Variants in GRID2 observed in about 807,000 individuals in gnomAD.
The protein encoded by GRID2 is glutamate receptor ionotropic, delta-2.
A neutral mutation model predicts 114.8 loss-of-function variants in GRID2; 33 were observed. That is an observed-to-expected ratio of 0.29 (90% CI 0.22 to 0.38). GRID2 has a LOEUF of 0.38. Ranked by LOEUF, GRID2 falls within the 10% of genes least tolerant of loss-of-function variation. The probability of loss-of-function intolerance (pLI) is 1.00; values close to 1 mark genes in which losing one functional copy is unlikely to be tolerated. For missense variants in GRID2, 1,184 were observed against 1,257.7 expected, an observed-to-expected ratio of 0.94 and a Z score of 0.89; for synonymous variants, 505 against 449.9, an observed-to-expected ratio of 1.12 and a Z score of -1.55.
chr4:93,688,532 A>G (rs1319766360), intron 14 of GRID2, among the ~76,000 whole-genome samples: 2 of 152,062 alleles, frequency 1.3e-5, no homozygotes, highest in Non-Finnish European at 2.9e-5. Flanking sequence ...CATAAGAGTA[A>G]TAATTCGCAA....
Position 92,665,349 on chromosome 4 carries a change from C to G in GRID2, c.244+75063C>G, listed in dbSNP as rs74798180. Among the ~76,000 whole-genome samples, 23 of 149,900 alleles carry G rather than the reference C, an allele frequency of 1.5e-4. No individual in the cohort carries two copies. The East Asian group carries it at 4.5e-3, about 29-fold the overall frequency. ...GTTTCCACCCTGTTCAGTAGTTCAGCTGTTGATGTAACAAAAACACATTTT... is the reference window on the plus strand; with the variant it reads ...GTTTCCACCCTGTTCAGTAGTTCAGGTGTTGATGTAACAAAAACACATTTT... On this transcript the variant is annotated intron_variant, in intron 2 of 15. Transcript: ENST00000282020.
chr4:93,126,241 A>G (rs1270284245), intron 4 of GRID2, among the ~76,000 whole-genome samples: 3 of 152,090 alleles, frequency 2.0e-5, no homozygotes, highest in Non-Finnish European at 2.9e-5. Flanking sequence ...TCCAGTGATA[A>G]TTTTTAATTT....
intron 8 of GRID2, among the ~76,000 whole-genome samples, chr4:93,346,449 T>C (rs957978197): frequency 2.0e-5 from 3 of 152,200 alleles, no homozygotes; most frequent in African/African-American, 7.2e-5. Flanking sequence ...ACAATTCATC[T>C]TCTTTTCCCC....
At chr4:93,386,974 G>A (rs577212327) in intron 8 of GRID2, among the ~76,000 whole-genome samples, 16 of 152,120 alleles carry the variant, frequency 1.1e-4, no homozygotes, top group Admixed American at 4.6e-4. Flanking sequence ...TGCAACTCCC[G>A]TCAGACACTG....
Position 93,332,293 on chromosome 4 carries a change from T to TGAGA in GRID2, c.1246-63313_1246-63312insAGAG, listed in dbSNP as rs1182268164. ...GTGTGTGTGTGTGTGTGTGTGTGTG[T>TGAGA]GTGTGTGAGAGAGAGAGAGAGAGAG... is the stretch of plus-strand genomic sequence containing the variant. On this transcript the variant is annotated intron_variant, in intron 8 of 15. Transcript: ENST00000282020. Among the ~76,000 whole-genome samples the TGAGA allele has an allele frequency of 6.3e-3, 728 of 114,674 alleles. 8 individuals are homozygous for TGAGA. Among genetic ancestry groups the TGAGA allele is most frequent in the African/African-American group, 0.032 (685 of 21,482 alleles). The allele number at this position is 114,674 out of a possible 152,430, so 75.2% of individuals were successfully genotyped here. A position where few individuals can be genotyped will look rare whatever the true frequency, so the allele number is the denominator to read the frequency against.
At chr4:92,388,030 T>A (rs1287037417) in intron 1 of GRID2, among the ~76,000 whole-genome samples, 1 of 152,046 alleles carries the variant, frequency 6.6e-6, no homozygotes, top group Non-Finnish European at 1.5e-5. Context: ...TTTTGTTTGA[T>A]TTCTAAAATT....
Position 93,203,653 on chromosome 4 carries a change from C to T in GRID2, c.736-3751C>T, listed in dbSNP as rs553384305. The stretch of plus-strand genomic sequence containing the variant: ...TGCATAGCTGAAGTTAATAAAAATG[C>T]TTTGCATTAAAGATAAGATGGGCTA... On this transcript the variant is annotated intron_variant, in intron 4 of 15. Coordinates refer to ENST00000282020, the MANE Select transcript of GRID2 (RefSeq NM_001510.4). Among the ~76,000 whole-genome samples the T allele has an allele frequency of 4.6e-5, 7 of 152,150 alleles. No homozygotes were observed. The South Asian group carries it at 1.5e-3, about 32-fold the overall frequency.
At chr4:93,062,600 T>G (rs1244225020) in intron 2 of GRID2, among the ~76,000 whole-genome samples, 1 of 152,108 alleles carries the variant, frequency 6.6e-6, no homozygotes, top group Non-Finnish European at 1.5e-5. Context: ...TGATTTTTTT[T>G]GTCTTAATCT....
intron 13 of GRID2, among the ~76,000 whole-genome samples, chr4:93,527,168 T>C (rs763874510): frequency 7.2e-5 from 11 of 152,208 alleles, no homozygotes; most frequent in Admixed American, 6.5e-5. Context: ...TGACTAAACA[T>C]AAATGCCATG....
chr4:93,107,511 ATAAT>A (rs1207778285), intron 3 of GRID2, among the ~76,000 whole-genome samples: 2 of 152,084 alleles, frequency 1.3e-5, no homozygotes, highest in East Asian at 1.9e-4. Flanking sequence ...CAAATTAAGG[ATAAT>A]TAATTTACTA....
chr4:93,589,623 G>A (rs1225033151), intron 13 of GRID2, among the ~76,000 whole-genome samples: 7 of 151,814 alleles, frequency 4.6e-5, no homozygotes, highest in South Asian at 2.1e-4. Flanking sequence ...CTGAGGAATC[G>A]CCACACTGAC....
At chr4:93,376,919 GCA>G (rs1370231382) in intron 8 of GRID2, among the ~76,000 whole-genome samples, 1 of 152,126 alleles carries the variant, frequency 6.6e-6, no homozygotes, top group Non-Finnish European at 1.5e-5. Context: ...AAACACCTTT[GCA>G]CACATTTACC....
chr4:92,514,178 G>C (rs1201262823), intron 1 of GRID2, among the ~76,000 whole-genome samples: 3 of 151,840 alleles, frequency 2.0e-5, no homozygotes, highest in Non-Finnish European at 4.4e-5. Context: ...ATTTCACATA[G>C]ACAGCATTAT....
At chr4:92,970,880 C>T (rs1753463176) in intron 2 of GRID2, among the ~76,000 whole-genome samples, 2 of 151,848 alleles carry the variant, frequency 1.3e-5, no homozygotes. Flanking sequence ...TGCTTTACTA[C>T]ATGTTGCTTA....
chr4:93,231,567 A>G (rs1235148712), intron 7 of GRID2, among the ~76,000 whole-genome samples: 2 of 152,144 alleles, frequency 1.3e-5, no homozygotes, highest in African/African-American at 4.8e-5. Flanking sequence ...CTTGCTTCAC[A>G]GCCAAGAAAG....
At chr4:93,101,032 G>T (rs1372034546) in intron 3 of GRID2, among the ~76,000 whole-genome samples, 1 of 152,004 alleles carries the variant, frequency 6.6e-6, no homozygotes, top group African/African-American at 2.4e-5. Flanking sequence ...ATGAGGGCAA[G>T]AACTGTTTTT....
intron 1 of GRID2, among the ~76,000 whole-genome samples, chr4:92,538,866 C>T (rs148339994): frequency 6.6e-6 from 1 of 151,874 alleles, no homozygotes; most frequent in African/African-American, 2.4e-5. Context: ...CACCATGAAA[C>T]CCCGTCTCTA....
intron 2 of GRID2, among the ~76,000 whole-genome samples, chr4:92,995,555 A>T (rs1248718548): frequency 2.6e-5 from 4 of 152,226 alleles, no homozygotes; most frequent in African/African-American, 9.6e-5. Flanking sequence ...AAGTGAAGTA[A>T]TAAGGTAGGG....
chr4:93,109,200 T>C (rs997835316), intron 3 of GRID2, among the ~76,000 whole-genome samples: 1 of 152,194 alleles, frequency 6.6e-6, no homozygotes, highest in Admixed American at 6.5e-5. Context: ...TTCCACCTCT[T>C]TTATCTCATC....
Sources: allele counts gnomAD v4.1 joint callset (sites outside exome capture counted in the v4.1 genomes callset), GRCh38; gene constraint gnomAD v4.1.1; transcripts MANE v1.5; gene names NCBI Gene and HGNC (gene_info 2026-07-23, HGNC 2026-07-21).